PDZRN4: variants seen among roughly 807,000 people sequenced by gnomAD.
PDZRN4 encodes PDZ domain containing ring finger 4, also known as PDZ domain-containing RING finger protein 4.
A neutral mutation model predicts 99.0 loss-of-function variants in PDZRN4; 70 were observed. That is an observed-to-expected ratio of 0.71 (90% CI 0.58 to 0.86). PDZRN4 has a LOEUF of 0.86. Among genes scored for constraint, PDZRN4 ranks in the 40% least tolerant of loss-of-function variants. The pLI, the probability that PDZRN4 is intolerant of heterozygous loss-of-function variation, is 0.00. For missense variants in PDZRN4, 1,474 were observed against 1,331.2 expected (o/e 1.11, Z -1.67); for synonymous variants, 551 against 501.6 (o/e 1.10, Z -1.32).
At chr12:41,219,757 A>G (rs914454007) in intron 3 of PDZRN4, among the ~76,000 whole-genome samples, 2 of 152,280 alleles carry the variant, frequency 1.3e-5, no homozygotes, top group Admixed American at 1.3e-4. Flanking sequence ...CAGAAAACTG[A>G]ATCTTTTTCT....
At chr12:41,237,983 A>C (rs563301818) in intron 3 of PDZRN4, among the ~76,000 whole-genome samples, 1 of 152,168 alleles carries the variant, frequency 6.6e-6, no homozygotes, top group African/African-American at 2.4e-5. Context: ...ATTTTAAAAT[A>C]GTTTTTTTTC....
At chr12:41,555,124 G>A (rs1291314076) in intron 6 of PDZRN4, among the ~76,000 whole-genome samples, 2 of 149,528 alleles carry the variant, frequency 1.3e-5, no homozygotes, top group Non-Finnish European at 1.5e-5. Flanking sequence ...ACAGCTACTC[G>A]GGAGTCTGAG....
At chr12:41,510,950 T>A (rs887837166) in intron 5 of PDZRN4, among the ~76,000 whole-genome samples, 3 of 152,114 alleles carry the variant, frequency 2.0e-5, no homozygotes, top group Non-Finnish European at 4.4e-5. Context: ...TCATGTTAAA[T>A]TTTTACCTCC....
At position 41,494,934 on chromosome 12, in the gene PDZRN4, G is replaced by T. The variant is rs78697620; in HGVS notation, c.844-11522G>T. ...AAACTGATGTGAAATACCATTCATT[G>T]TGTAGGCACTAAGTTAAAAATGCTG... On this transcript the variant is annotated intron_variant, in intron 3 of 9. Transcript: ENST00000402685. Among the ~76,000 whole-genome samples, 11 of 152,254 alleles carry T rather than the reference G, an allele frequency of 7.2e-5. No individual in the cohort carries two copies. The East Asian group carries it at 1.2e-3, about 16-fold the overall frequency.
rs538514130 is a variant in PDZRN4 at position 41,383,411 on chromosome 12, CA to C, written c.844-123044del. Among the ~76,000 whole-genome samples the C allele has an allele frequency of 9.9e-5, 15 of 152,276 alleles. No individual in the cohort carries two copies. In the South Asian group the frequency reaches 3.1e-3, roughly 32 times the overall value. On this transcript the variant is annotated intron_variant, in intron 3 of 9. Transcript: ENST00000402685. ...AGTTGTCAATAGAAATAAATACTTT[CA>C]TATATTTATGGTAAAAGCACCAACT...
chr12:41,194,283 A>G (rs1208230296), intron 3 of PDZRN4, 95 bp downstream of exon 3: 10 of 684,226 alleles, frequency 1.5e-5, no homozygotes, highest in Non-Finnish European at 2.6e-5. Context: ...TGTGGTGCTT[A>G]TTAGAATATA....
chr12:41,195,148 T>C (rs547809987), intron 3 of PDZRN4, among the ~76,000 whole-genome samples: 3 of 152,350 alleles, frequency 2.0e-5, no homozygotes, highest in Admixed American at 2.0e-4. Context: ...TTTATGTCCC[T>C]GCCATCTGCC....
rs562295010 is a variant in PDZRN4, at chr12:41,189,062, G to C, written c.607G>C (p.Val203Leu). 38 of 1,580,106 alleles carry C rather than the reference G, an allele frequency of 2.4e-5. No homozygotes were observed. The East Asian group carries it at 6.1e-4, about 26-fold the overall frequency. The change falls in exon 1 of 10, where the codon GTC becomes CTC. Residue 203 changes from valine (V) to leucine (L), a missense_variant. Transcript: ENST00000402685. The stretch of plus-strand genomic sequence containing the variant: ...GAAGTTCACCCAATACATGGCTCAC[G>C]TCCGCAACTTCGTCGGCGACCTCGG... ...QEKFTQYMAH[V>L]RNFVGDLGGG...
chr12:41,535,246 CTTT>C (rs1239538684), intron 5 of PDZRN4, among the ~76,000 whole-genome samples: 2 of 152,032 alleles, frequency 1.3e-5, no homozygotes, highest in African/African-American at 4.8e-5. Flanking sequence ...TGCGTTGTTT[CTTT>C]GTGTATTTTG....
intron 3 of PDZRN4, among the ~76,000 whole-genome samples, chr12:41,208,115 G>A (rs1950863531): frequency 6.6e-6 from 1 of 151,826 alleles, no homozygotes; most frequent in African/African-American, 2.4e-5. Context: ...TGTGTTTTAA[G>A]CTTTGTAAAC....
At chr12:41,503,753 G>A (rs1289915345) in intron 3 of PDZRN4, among the ~76,000 whole-genome samples, 3 of 152,100 alleles carry the variant, frequency 2.0e-5, no homozygotes, top group Non-Finnish European at 2.9e-5. Context: ...TAGGTGAATG[G>A]CATTTATCTG....
intron 3 of PDZRN4, among the ~76,000 whole-genome samples, chr12:41,405,450 G>T (rs561199740): frequency 2.6e-5 from 4 of 152,268 alleles, no homozygotes; most frequent in African/African-American, 9.6e-5. Flanking sequence ...TAAAGCAACA[G>T]ATGCTGGCAA....
At chr12:41,220,024 T>G (rs1950944449) in intron 3 of PDZRN4, among the ~76,000 whole-genome samples, 1 of 152,124 alleles carries the variant, frequency 6.6e-6, no homozygotes, top group African/African-American at 2.4e-5. Context: ...CAGAAAGATC[T>G]GTGCCCAGCA....
intron 3 of PDZRN4, among the ~76,000 whole-genome samples, chr12:41,447,683 A>C (rs1952740603): frequency 6.6e-6 from 1 of 152,168 alleles, no homozygotes; most frequent in South Asian, 2.1e-4. Flanking sequence ...TTTACAGATG[A>C]GAAAACTGAA....
intron 5 of PDZRN4, among the ~76,000 whole-genome samples, chr12:41,510,573 T>C (rs1938288223): frequency 6.6e-6 from 1 of 152,154 alleles, no homozygotes; most frequent in South Asian, 2.1e-4. Context: ...TGAATATCTT[T>C]GAAAGGTTTC....
chr12:41,233,430 A>G (rs1215109476), intron 3 of PDZRN4, among the ~76,000 whole-genome samples: 1 of 152,154 alleles, frequency 6.6e-6, no homozygotes, highest in Non-Finnish European at 1.5e-5. Context: ...CAGCCATCCC[A>G]TTACTGGGTA....
At chr12:41,398,381 A>G (rs1347831156) in intron 3 of PDZRN4, among the ~76,000 whole-genome samples, 2 of 151,718 alleles carry the variant, frequency 1.3e-5, no homozygotes, top group African/African-American at 4.9e-5. Flanking sequence ...AGTGTAGATG[A>G]AGTCAGTGAT....
chr12:41,332,744 TAAAA>T (rs3046824), intron 3 of PDZRN4, among the ~76,000 whole-genome samples: 1,866 of 118,190 alleles, frequency 0.016, 43 homozygotes, highest in African/African-American at 0.049. Context: ...AGAGGAGGAT[TAAAA>T]AAAAAAAAAA....
chr12:41,322,669 TGTATTTTTAGTAGAGACAG>T (rs1333331853), intron 3 of PDZRN4, among the ~76,000 whole-genome samples: 1 of 151,754 alleles, frequency 6.6e-6, no homozygotes, highest in Non-Finnish European at 1.5e-5. Context: ...TATTGTTTTT[TGTATTTTTAGTAGAGACAG>T]GTTTTCACCA....
Sources: gnomAD v4.1 joint callset for allele counts (sites outside exome capture counted in the v4.1 genomes callset) on GRCh38, gnomAD v4.1.1 for gene constraint, MANE v1.5 for transcripts, NCBI Gene and HGNC (gene_info 2026-07-23, HGNC 2026-07-21) for gene names.